The following ST6GALNAC3 variants were observed in gnomAD, a reference collection of about 807,000 sequenced individuals.
The protein encoded by ST6GALNAC3 is ST6 N-acetylgalactosaminide alpha-2,6-sialyltransferase 3.
Under a neutral mutation model 32.7 loss-of-function variants are expected in ST6GALNAC3, and 25 were observed. The observed-to-expected ratio is 0.76, with a 90% CI of 0.56 to 1.07. The LOEUF is 1.07. ST6GALNAC3 is among the 50% of genes least tolerant of loss of function. The pLI is 0.00. For missense variants in ST6GALNAC3, 355 were observed against 382.4 expected (o/e 0.93, Z 0.60); for synonymous variants, 129 against 133.1 (o/e 0.97, Z 0.21).
intron 3 of ST6GALNAC3, among the ~76,000 whole-genome samples, chr1:76,455,684 T>C (rs554717705): frequency 2.0e-5 from 3 of 152,278 alleles, no homozygotes; most frequent in Admixed American, 2.0e-4. Context: ...GGGAGAGGAC[T>C]ACAGTTGCAT....
At chr1:76,211,598 A>C (rs1213005913) in intron 1 of ST6GALNAC3, among the ~76,000 whole-genome samples, 1 of 74,966 alleles carries the variant, frequency 1.3e-5, no homozygotes, top group East Asian at 1.0e-3. Context: ...ATGGAATACT[A>C]TGCAGCCATA....
In ST6GALNAC3 at chr1:76,468,280, A is replaced by G. The variant is rs530626181; in HGVS notation, c.623+55863A>G. Among the ~76,000 whole-genome samples the G allele has an allele frequency of 3.5e-4, 53 of 152,128 alleles. No homozygotes were observed. In the East Asian group the frequency reaches 9.9e-3, roughly 28 times the overall value. On this transcript the variant is annotated intron_variant, in intron 3 of 4. Transcript: ENST00000328299. ...ACCCCCACTTAGATACTGATTAGCA[A>G]ATAGACACAAACATTTCCTCTAAAT...
At chr1:76,387,677 ATAAT>A (rs1652204200) in intron 2 of ST6GALNAC3, among the ~76,000 whole-genome samples, 1 of 152,188 alleles carries the variant, frequency 6.6e-6, no homozygotes, top group Non-Finnish European at 1.5e-5. Flanking sequence ...CTTAATAATA[ATAAT>A]TAAATTATAG....
chr1:76,535,991 C>T lies in ST6GALNAC3; in HGVS notation c.624-91461C>T, dbSNP rs954783742. ...TTGGGCAAAAGAAATCTTAATCAAA[C>T]ATCATTTCAGTTTAATGCTTTTACA... On this transcript the variant is annotated intron_variant, in intron 3 of 4. Coordinates refer to ENST00000328299, the MANE Select transcript of ST6GALNAC3 (RefSeq NM_152996.4). Among the ~76,000 whole-genome samples the T allele has an allele frequency of 3.3e-5, 5 of 152,040 alleles. No homozygotes were observed. The South Asian group carries it at 8.3e-4, about 25-fold the overall frequency.
At chr1:76,543,942 A>C (rs1664142055) in intron 3 of ST6GALNAC3, among the ~76,000 whole-genome samples, 1 of 152,132 alleles carries the variant, frequency 6.6e-6, no homozygotes. Flanking sequence ...AATTCAGTGA[A>C]TATTTATTGA....
intron 1 of ST6GALNAC3, among the ~76,000 whole-genome samples, chr1:76,258,076 G>A (rs1658018984): frequency 6.6e-6 from 1 of 152,124 alleles, no homozygotes; most frequent in Admixed American, 6.6e-5. Flanking sequence ...TAAGCATATT[G>A]CAAGGTTTTC....
chr1:76,505,454 C>T (rs1240340474), intron 3 of ST6GALNAC3, among the ~76,000 whole-genome samples: 2 of 152,114 alleles, frequency 1.3e-5, no homozygotes, highest in African/African-American at 4.8e-5. Context: ...GGGTATATGT[C>T]AAATAGCATT....
At chr1:76,367,411 G>T (rs1029754982) in intron 2 of ST6GALNAC3, among the ~76,000 whole-genome samples, 3 of 152,040 alleles carry the variant, frequency 2.0e-5, no homozygotes, top group Admixed American at 1.3e-4. Flanking sequence ...AGGAAGTAGT[G>T]ATCTATTTAT....
chr1:76,634,187 C>T lies in ST6GALNAC3; in HGVS notation c.*5381C>T, dbSNP rs1004079952. 2.2e-5 allele frequency: 22 copies of T among 982,738 alleles called. No homozygotes were observed. Among genetic ancestry groups the T allele is most frequent in the Admixed American group, 6.2e-5 (1 of 16,236 alleles). The allele number at this position is 982,738 out of a possible 1,614,324, so 60.9% of individuals were successfully genotyped here. On this transcript the variant is annotated 3_prime_UTR_variant, in exon 5 of 5. Coordinates refer to ENST00000328299, the MANE Select transcript of ST6GALNAC3 (RefSeq NM_152996.4). Reference sequence around the variant, plus strand: ...AGAAAAATAGAAGCTCACTTCCTTCCATAAAGGTGAAGAACATCTTGATGA... The same window carrying T: ...AGAAAAATAGAAGCTCACTTCCTTCTATAAAGGTGAAGAACATCTTGATGA...
intron 2 of ST6GALNAC3, among the ~76,000 whole-genome samples, chr1:76,374,950 T>A (rs899637310): frequency 1.2e-4 from 19 of 152,202 alleles, no homozygotes; most frequent in African/African-American, 4.6e-4. Flanking sequence ...TATGGTCCTC[T>A]TTTCTTTTTC....
intron 2 of ST6GALNAC3, among the ~76,000 whole-genome samples, chr1:76,411,523 C>T (rs572944422): frequency 6.6e-6 from 1 of 152,186 alleles, no homozygotes; most frequent in South Asian, 2.1e-4. Flanking sequence ...GTTTTATAAC[C>T]TCATTGCTTG....
rs115939414 is a variant in ST6GALNAC3, at chr1:76,235,972, T to A, written c.19-77833T>A. Among the ~76,000 whole-genome samples the A allele has an allele frequency of 4.6e-3, 697 of 151,664 alleles. 7 individuals are homozygous for A. Among genetic ancestry groups the A allele is most frequent in the African/African-American group, 0.016 (661 of 41,302 alleles). ...TCCAGTGTGACCTCATTTTGTTTTT[T>A]GTTTGTTTGTTTGTTTGTTTTTAGA... On this transcript the variant is annotated intron_variant, in intron 1 of 4. Coordinates refer to ENST00000328299, the MANE Select transcript of ST6GALNAC3 (RefSeq NM_152996.4).
chr1:76,273,502 A>G (rs1054082972), intron 1 of ST6GALNAC3, among the ~76,000 whole-genome samples: 5 of 152,236 alleles, frequency 3.3e-5, no homozygotes, highest in Admixed American at 2.0e-4. Context: ...AAGAGGAAAT[A>G]CAAATATGGC....
intron 1 of ST6GALNAC3, among the ~76,000 whole-genome samples, chr1:76,221,506 CTAGCCTCTTTCTGGGCTTCA>C (rs1655768672): frequency 6.6e-6 from 1 of 152,166 alleles, no homozygotes; most frequent in African/African-American, 2.4e-5. Context: ...CTCACCAGCT[CTAGCCTCTTTCTGGGCTTCA>C]TAGCTCCCCT....
intron 2 of ST6GALNAC3, among the ~76,000 whole-genome samples, chr1:76,330,678 T>C (rs945729729): frequency 2.0e-5 from 3 of 152,214 alleles, no homozygotes; most frequent in Non-Finnish European, 2.9e-5. Flanking sequence ...CCCTATGTAA[T>C]AGATACTATT....
At chr1:76,325,542 T>G (rs572281467) in intron 2 of ST6GALNAC3, among the ~76,000 whole-genome samples, 4 of 151,758 alleles carry the variant, frequency 2.6e-5, no homozygotes, top group Non-Finnish European at 4.4e-5. Flanking sequence ...GGTGTTGTAT[T>G]TTGCCAATAA....
intron 3 of ST6GALNAC3, among the ~76,000 whole-genome samples, chr1:76,569,548 T>G (rs544746644): frequency 2.6e-5 from 4 of 152,288 alleles, no homozygotes; most frequent in Admixed American, 6.5e-5. Flanking sequence ...CAAATGAAAC[T>G]TTATTAGCAA....
intron 1 of ST6GALNAC3, among the ~76,000 whole-genome samples, chr1:76,114,644 A>G (rs565927739): frequency 1.3e-5 from 2 of 152,308 alleles, no homozygotes; most frequent in Admixed American, 1.3e-4. Flanking sequence ...AGGGATGTAT[A>G]TAAATGGTAG....
intron 3 of ST6GALNAC3, among the ~76,000 whole-genome samples, chr1:76,577,690 C>G (rs557842290): frequency 6.6e-6 from 1 of 152,038 alleles, no homozygotes. Flanking sequence ...CATGTTCCTC[C>G]CATTAGTGGT....
Sources: gnomAD v4.1 joint callset for allele counts (sites outside exome capture counted in the v4.1 genomes callset) on GRCh38, gnomAD v4.1.1 for gene constraint, MANE v1.5 for transcripts, NCBI Gene and HGNC (gene_info 2026-07-23, HGNC 2026-07-21) for gene names.